ENOPH1: variants seen among roughly 807,000 people sequenced by gnomAD.
The protein encoded by ENOPH1 is enolase-phosphatase 1.
ENOPH1 carries 14 observed loss-of-function variants against 31.1 expected under a neutral mutation model. The observed-to-expected ratio is 0.45, with a 90% CI of 0.30 to 0.70. The LOEUF is 0.70. Ranked by LOEUF, ENOPH1 falls within the 30% of genes least tolerant of loss-of-function variation. The pLI is 0.09. For synonymous variants in ENOPH1, 127 were observed against 123.2 expected, an observed-to-expected ratio of 1.03 and a Z score of -0.21; for missense variants, 243 against 321.5, an observed-to-expected ratio of 0.76 and a Z score of 1.87.
In ENOPH1 at chr4:82,460,862, T is replaced by A. The variant is rs2110049993; in HGVS notation, c.*742T>A. 6.6e-6 allele frequency: 1 copy of A among 152,352 alleles called. No homozygotes were observed. 9.4% of individuals were successfully genotyped at this position (152,352 alleles called of 1,614,324 possible). A position where few individuals can be genotyped will look rare whatever the true frequency, so the allele number is the denominator to read the frequency against. ...TCATTATAGATTTTATAGTTGCCTT[T>A]CTAACTACTTAGCACAGTTTGAGAA... On this transcript the variant is annotated 3_prime_UTR_variant, in exon 6 of 6. Transcript: ENST00000273920.
chr4:82,438,664 G>GA (rs71666740), intron 1 of ENOPH1, among the ~76,000 whole-genome samples: 1 of 152,004 alleles, frequency 6.6e-6, no homozygotes, highest in Admixed American at 6.6e-5. Flanking sequence ...TGGCGTGATC[G>GA]AAAAAATAAC....
chr4:82,450,965 T>C lies in ENOPH1; in HGVS notation c.187-78T>C, dbSNP rs896637394. On this transcript the variant is annotated intron_variant, in intron 2 of 5. Coordinates refer to ENST00000273920, the MANE Select transcript of ENOPH1 (RefSeq NM_021204.5). ...CTAATGATGGAGAAAGTTGTTCTGC[T>C]GGGTTTTTGGGTCTCGTTTTAAATG... The C allele has an allele frequency of 4.9e-6, 6 of 1,215,194 alleles. No individual in the cohort carries two copies. The African/African-American group carries it at 8.9e-5, about 18-fold the overall frequency. The allele number at this position is 1,215,194 out of a possible 1,614,324, so 75.3% of individuals were successfully genotyped here. A position where few individuals can be genotyped will look rare whatever the true frequency, so the allele number is the denominator to read the frequency against.
intron 1 of ENOPH1, among the ~76,000 whole-genome samples, chr4:82,444,501 C>T (rs34691640): frequency 0.19 from 29,277 of 152,110 alleles, 4,067 homozygotes; most frequent in African/African-American, 0.4. Context: ...TGAATAAATA[C>T]GGTAACAACA....
chr4:82,436,518 T>C (rs928198985), intron 1 of ENOPH1, among the ~76,000 whole-genome samples: 3 of 151,970 alleles, frequency 2.0e-5, no homozygotes, highest in Non-Finnish European at 4.4e-5. Flanking sequence ...TGACCTCGTC[T>C]CTACTAAAAA....
intron 5 of ENOPH1, among the ~76,000 whole-genome samples, chr4:82,458,949 CCA>C (rs535994680): frequency 3.3e-4 from 51 of 152,258 alleles, no homozygotes; most frequent in African/African-American, 1.2e-3. Flanking sequence ...CAGCTCAGCC[CCA>C]GTGTGTCTCC....
chr4:82,456,724 T>C (rs1355377653), intron 4 of ENOPH1, among the ~76,000 whole-genome samples, 191 bp from the exon 5 acceptor site: 1 of 152,258 alleles, frequency 6.6e-6, no homozygotes, highest in Non-Finnish European at 1.5e-5. Context: ...GTAGTTTTCT[T>C]CTTCCAAATG....
chr4:82,452,010 G>C (rs1218486771), intron 3 of ENOPH1, among the ~76,000 whole-genome samples: 8 of 151,976 alleles, frequency 5.3e-5, no homozygotes, highest in Non-Finnish European at 1.5e-5. Flanking sequence ...CAAACTTCTG[G>C]GCTTGAGCGA....
intron 1 of ENOPH1, among the ~76,000 whole-genome samples, chr4:82,441,813 A>G (rs1295780708): frequency 1.3e-5 from 2 of 152,128 alleles, no homozygotes; most frequent in Non-Finnish European, 2.9e-5. Flanking sequence ...AATTTAAAAA[A>G]CCAAAAAAGC....
At chr4:82,434,703 G>C (rs1721860623) in intron 1 of ENOPH1, among the ~76,000 whole-genome samples, 2 of 151,686 alleles carry the variant, frequency 1.3e-5, no homozygotes. Flanking sequence ...AACAGAGGAA[G>C]ACGCTGTCTC....
chr4:82,458,314 CTGGCCAACA>C (rs1202969153), intron 5 of ENOPH1, among the ~76,000 whole-genome samples: 5 of 152,152 alleles, frequency 3.3e-5, no homozygotes, highest in Non-Finnish European at 7.4e-5. Context: ...CAAGACCAGC[CTGGCCAACA>C]TGGTGAAACC....
At chr4:82,450,965 TG>T in intron 2 of ENOPH1, 77 bp from the exon 3 acceptor site, 1 of 1,215,310 alleles carries the variant, frequency 8.2e-7, no homozygotes, top group Non-Finnish European at 1.2e-6. Context: ...GTTGTTCTGC[TG>T]GGTTTTTGGG....
intron 1 of ENOPH1, among the ~76,000 whole-genome samples, chr4:82,441,431 T>G (rs142256358): frequency 0.056 from 8,514 of 151,878 alleles, 307 homozygotes; most frequent in Non-Finnish European, 0.082. Context: ...GACCATCCTG[T>G]TTAACACGGT....
intron 4 of ENOPH1, among the ~76,000 whole-genome samples, chr4:82,455,499 G>A (rs1374797005): frequency 2.6e-5 from 4 of 151,990 alleles, no homozygotes; most frequent in East Asian, 1.9e-4. Flanking sequence ...AATATTTACC[G>A]GCCGGGCGCA....
intron 1 of ENOPH1, among the ~76,000 whole-genome samples, chr4:82,441,814 C>A (rs1244927014): frequency 3.3e-5 from 5 of 151,964 alleles, no homozygotes; most frequent in East Asian, 3.9e-4. Context: ...ATTTAAAAAA[C>A]CAAAAAAGCC....
rs1408788780 is a variant in ENOPH1 at position 82,434,780 on chromosome 4, AC to A, written c.84+3869del. 3.3e-5 allele frequency among the ~76,000 whole-genome samples: 5 copies of A among 152,186 alleles called. No individual in the cohort carries two copies. The South Asian group carries it at 1.0e-3, about 32-fold the overall frequency. ...AAATTAGCTGGGCATGGTGGCGCAC[AC>A]CTGTAATCCCAGCTACTGGGGAGGC... On this transcript the variant is annotated intron_variant, in intron 1 of 5. Coordinates refer to ENST00000273920, the MANE Select transcript of ENOPH1 (RefSeq NM_021204.5).
At chr4:82,448,346 C>A (rs57483421) in intron 2 of ENOPH1, among the ~76,000 whole-genome samples, 3,329 of 151,262 alleles carry the variant, frequency 0.022, 126 homozygotes, top group African/African-American at 0.076. Flanking sequence ...ACTGCAACCT[C>A]GCTTACTGGG....
chr4:82,460,746 T>C lies in ENOPH1; in HGVS notation c.*626T>C, dbSNP rs185052381. The C allele has an allele frequency of 2.0e-5, 3 of 152,390 alleles. No individual in the cohort carries two copies. The East Asian group carries it at 5.8e-4, about 29-fold the overall frequency. 9.4% of individuals were successfully genotyped at this position (152,390 alleles called of 1,614,324 possible). On this transcript the variant is annotated 3_prime_UTR_variant, in exon 6 of 6. Coordinates refer to ENST00000273920, the MANE Select transcript of ENOPH1 (RefSeq NM_021204.5). ...TGGCACCCACAGCAAGCAGTTGCCT[T>C]ACCAGTGAAAAAGGTGCACTGAGGT...
intron 1 of ENOPH1, among the ~76,000 whole-genome samples, chr4:82,445,290 A>G (rs1035536583): frequency 6.6e-6 from 1 of 152,198 alleles, no homozygotes; most frequent in Non-Finnish European, 1.5e-5. Context: ...TTAATAAGCA[A>G]CTTGAAGGCA....
intron 1 of ENOPH1, among the ~76,000 whole-genome samples, chr4:82,433,943 G>A (rs558274689): frequency 6.6e-6 from 1 of 152,192 alleles, no homozygotes. Context: ...CAGAGTAGGT[G>A]TGTGAACTTG....
Sources: gnomAD v4.1 joint callset for allele counts (sites outside exome capture counted in the v4.1 genomes callset) on GRCh38, gnomAD v4.1.1 for gene constraint, MANE v1.5 for transcripts, NCBI Gene and HGNC (gene_info 2026-07-23, HGNC 2026-07-21) for gene names.